Variants in COG8 observed in about 807,000 individuals in gnomAD.
The protein encoded by COG8 is conserved oligomeric Golgi complex subunit 8.
In COG8, 45 loss-of-function variants were observed where a neutral mutation model predicts 46.5. The observed-to-expected ratio is 0.97, with a 90% confidence interval of 0.76 to 1.24. COG8 has a LOEUF of 1.24. Ranked by LOEUF, COG8 falls within the 50% of genes most tolerant of loss-of-function variation. The pLI, the probability that COG8 is intolerant of heterozygous loss-of-function variation, is 0.00. For missense variants in COG8, 793 were observed against 820.8 expected (o/e 0.97, Z 0.41); for synonymous variants, 407 against 347.8 (o/e 1.17, Z -1.90).
Position 69,327,160 on chromosome 16 carries a change from CTTTTTTTTTTTTTT to C in COG8, c.*2032_*2045del, listed in dbSNP as rs1169149930. 2 of 91,588 alleles carry C rather than the reference CTTTTTTTTTTTTTT, an allele frequency of 2.2e-5. No homozygotes were observed. Among genetic ancestry groups the C allele is most frequent in the African/African-American group, 4.5e-5 (1 of 22,410 alleles). The allele number at this position is 91,588 out of a possible 1,614,324, so 5.7% of individuals were successfully genotyped here. Reference sequence around the variant, plus strand: ...TGCACCAGTATCTGGTTGGGATTCCCTTTTTTTTTTTTTTTTTTTTTTTTTGAGACAGAGCCTTG... The same window carrying C: ...TGCACCAGTATCTGGTTGGGATTCCCTTTTTTTTTTTGAGACAGAGCCTTG... On this transcript the variant is annotated 3_prime_UTR_variant, in exon 6 of 6. Transcript: ENST00000306875.
Position 69,336,551 on chromosome 16 carries a change from T to A in COG8, c.539A>T (p.Tyr180Phe). The change falls in exon 2 of 6, where the codon TAC becomes TTC. Residue 180 changes from tyrosine (Y) to phenylalanine (F), a missense_variant. Tyr to Phe is a conservative substitution (Grantham distance 22). Coordinates refer to ENST00000306875, the MANE Select transcript of COG8 (RefSeq NM_032382.5). ...YYEEALELAA[Y>F]VRRLERKYSS... ...GTATTTCCTCTCCAGTCGGCGTACG[T>A]AGGCTGCAAGCTCCAGGGCCTCTTC... 6.2e-7 allele frequency: 1 copy of A among 1,614,170 alleles called. No individual in the cohort carries two copies.
At chr16:69,333,323 C>T (rs944595544) in intron 3 of COG8, among the ~76,000 whole-genome samples, 11 of 152,200 alleles carry the variant, frequency 7.2e-5, no homozygotes, top group East Asian at 5.8e-4. Flanking sequence ...TGCACCATCA[C>T]GTCTGGCTAA....
chr16:69,330,382 C>T, intron 5 of COG8: 2 of 1,479,438 alleles, frequency 1.4e-6, no homozygotes, highest in African/African-American at 1.5e-5. Flanking sequence ...CGTGCGAGAA[C>T]GGCGGTTCGG....
intron 5 of COG8, chr16:69,330,596 C>T (rs2011737058): frequency 1.4e-6 from 2 of 1,420,164 alleles, no homozygotes; most frequent in Non-Finnish European, 1.8e-6. Flanking sequence ...AGTGACCCGG[C>T]CCGCCCCTTC....
chr16:69,330,763 C>T (rs1432599714), intron 5 of COG8, 50 bp downstream of exon 5: 17 of 1,459,408 alleles, frequency 1.2e-5, no homozygotes, highest in Non-Finnish European at 1.4e-5. Flanking sequence ...CGCCCCGGAC[C>T]TTCCAGGGCG....
At chr16:69,329,546 A>T (rs1426788783) in intron 5 of COG8, among the ~76,000 whole-genome samples, 1 of 152,154 alleles carries the variant, frequency 6.6e-6, no homozygotes, top group Admixed American at 6.5e-5. Flanking sequence ...GACCATCTTG[A>T]ACCGACGGGC....
At position 69,328,897 on chromosome 16, in the gene COG8, C is replaced by G. The variant is rs1489693730; in HGVS notation, c.*309G>C. 1 of 1,259,754 alleles carries G rather than the reference C, an allele frequency of 7.9e-7. No homozygotes were observed. 78.0% of individuals were successfully genotyped at this position (1,259,754 alleles called of 1,614,324 possible). On this transcript the variant is annotated 3_prime_UTR_variant, in exon 6 of 6. Transcript: ENST00000306875. ...TCTTCCTCCAGCTCAGTCTGCCATG[C>G]CTTGGCAATCCAGTTTCCTGTCATA...
intron 1 of COG8, 145 bp downstream of exon 1, chr16:69,339,031 G>A (rs1374393169): frequency 4.6e-6 from 5 of 1,098,852 alleles, no homozygotes; most frequent in South Asian, 2.7e-5. Flanking sequence ...CTATCTCGAA[G>A]GCTGTTGTGA....
At position 69,334,781 on chromosome 16, in the gene COG8, C is replaced by T. The variant is rs756562702; in HGVS notation, c.1153G>A (p.Glu385Lys). Reference protein sequence around the residue: ...AISTFQKAIQETVEKFQEEMN... With the variant: ...AISTFQKAIQKTVEKFQEEMN... ...TCTTCCTGGAATTTCTCCACTGTTTCCTGAATTGCTTTCTGGAAAGTGCTG... is the reference window on the plus strand; with the variant it reads ...TCTTCCTGGAATTTCTCCACTGTTTTCTGAATTGCTTTCTGGAAAGTGCTG... Residue 385 changes from glutamate to lysine, a missense_variant, in exon 3 of 6, where the codon GAA becomes AAA. By Grantham distance (56) the Glu-to-Lys change is moderately conservative (BLOSUM62 1). Transcript: ENST00000306875. 1.2e-6 allele frequency: 2 copies of T among 1,614,156 alleles called. No homozygotes were observed. The highest frequency in any genetic ancestry group is 1.7e-6 in the Non-Finnish European group (2 of 1,180,044).
In COG8 at chr16:69,336,590, C is replaced by G; in HGVS notation, c.500G>C (p.Arg167Pro). The part of the protein sequence containing the change: ...EIPQLMDTCV[R>P]NSYYEEALEL... ...CAGGGCCTCTTCATAATAACTGTTC[C>G]GGACACAGGTGTCCATGAGCTGAGG... Residue 167 changes from arginine to proline, a missense_variant, in exon 2 of 6, where the codon CGG (arginine) becomes CCG (proline). Physicochemically the swap from Arg to Pro is moderately radical, Grantham distance 103 (BLOSUM62 -2). Transcript: ENST00000306875. 1 of 1,614,126 alleles carries G rather than the reference C, an allele frequency of 6.2e-7. No homozygotes were observed. The highest frequency in any genetic ancestry group is 8.5e-7 in the Non-Finnish European group (1 of 1,180,014).
Position 69,328,880 on chromosome 16 carries a change from C to T in COG8, c.*326G>A. On this transcript the variant is annotated 3_prime_UTR_variant, in exon 6 of 6. Coordinates refer to ENST00000306875, the MANE Select transcript of COG8 (RefSeq NM_032382.5). Reference sequence around the variant, plus strand: ...GGCAAACATTTCTGACATCTTCCTCCAGCTCAGTCTGCCATGCCTTGGCAA... The same window carrying T: ...GGCAAACATTTCTGACATCTTCCTCTAGCTCAGTCTGCCATGCCTTGGCAA... 2 of 1,083,714 alleles carry T rather than the reference C, an allele frequency of 1.8e-6. No individual in the cohort carries two copies. Among genetic ancestry groups the T allele is most frequent in the Non-Finnish European group, 2.6e-6 (2 of 766,326 alleles). The allele number at this position is 1,083,714 out of a possible 1,614,324, so 67.1% of individuals were successfully genotyped here. A position where few individuals can be genotyped will look rare whatever the true frequency, so the allele number is the denominator to read the frequency against.
Position 69,332,762 on chromosome 16 carries a change from G to C in COG8, c.1534C>G (p.Arg512Gly). Residue 512 changes from arginine (R) to glycine (G), a missense_variant, in exon 4 of 6, where the codon CGC (arginine) becomes GGC (glycine). Arg to Gly is a moderately radical substitution (Grantham distance 125, BLOSUM62 -2). Coordinates refer to ENST00000306875, the MANE Select transcript of COG8 (RefSeq NM_032382.5). ...GGTGGAAAAAGGACTTGGAGACAGC[G>C]ATTTAAATACGGAACAAGGTCTTCC... Reference protein sequence around the residue: ...FLEDLVPYLNRCLQVLFPPAQ... With the variant: ...FLEDLVPYLNGCLQVLFPPAQ... 1 of 1,614,176 alleles carries C rather than the reference G, an allele frequency of 6.2e-7. No homozygotes were observed. Among genetic ancestry groups the C allele is most frequent in the Non-Finnish European group, 8.5e-7 (1 of 1,179,998 alleles).
chr16:69,329,646 T>A (rs532674073), intron 5 of COG8, among the ~76,000 whole-genome samples: 73 of 152,334 alleles, frequency 4.8e-4, no homozygotes, highest in African/African-American at 1.7e-3. Flanking sequence ...CCTAGCCCCC[T>A]GGGCTGGGTC....
At chr16:69,330,630 G>C (rs1258787940) in intron 5 of COG8, 183 bp downstream of exon 5, 1 of 1,406,532 alleles carries the variant, frequency 7.1e-7, no homozygotes, top group African/African-American at 1.5e-5. Context: ...GGGCACGCCG[G>C]GAAGCGCCGT....
At position 69,328,561 on chromosome 16, in the gene COG8, T is replaced by C. The variant is rs1380009994; in HGVS notation, c.*645A>G. 1 of 177,404 alleles carries C rather than the reference T, an allele frequency of 5.6e-6. No individual in the cohort carries two copies. The highest frequency in any genetic ancestry group is 1.2e-5 in the Non-Finnish European group (1 of 84,916). The allele number at this position is 177,404 out of a possible 1,614,324, so 11.0% of individuals were successfully genotyped here. A position where few individuals can be genotyped will look rare whatever the true frequency, so the allele number is the denominator to read the frequency against. ...CAGGGACTATTCTCTTTCATTTCCA[T>C]AAGCAAACTGGCGTCTAAGGCCACA... On this transcript the variant is annotated 3_prime_UTR_variant, in exon 6 of 6. Coordinates refer to ENST00000306875, the MANE Select transcript of COG8 (RefSeq NM_032382.5).
At position 69,330,915 on chromosome 16, in the gene COG8, A is replaced by AGGCGTGGCTCCTC; in HGVS notation, c.1750_1762dup (p.Leu588ArgfsTer87). ...CGGGCAGGCTGGGCCCGCGGGCTCC[A>AGGCGTGGCTCCTC]GGCGTGGCTCCTCGGCGGGAGGCTC... On this transcript the variant is annotated frameshift_variant, in exon 5 of 6. Coordinates refer to ENST00000306875, the MANE Select transcript of COG8 (RefSeq NM_032382.5). LOFTEE classifies it high-confidence loss of function. 6.4e-7 allele frequency: 1 copy of AGGCGTGGCTCCTC among 1,556,834 alleles called. No individual in the cohort carries two copies. The highest frequency in any genetic ancestry group is 8.7e-7 in the Non-Finnish European group (1 of 1,150,358).
intron 3 of COG8, among the ~76,000 whole-genome samples, chr16:69,333,907 A>G (rs750320435): frequency 5.3e-5 from 8 of 152,248 alleles, no homozygotes; most frequent in Non-Finnish European, 1.0e-4. Flanking sequence ...AAAGTCCCTA[A>G]TCATCTGACT....
At chr16:69,336,783 C>A in intron 1 of COG8, 71 bp from the exon 2 acceptor site, 1 of 1,301,170 alleles carries the variant, frequency 7.7e-7, no homozygotes, top group Non-Finnish European at 1.1e-6. Flanking sequence ...TTACCAAGTA[C>A]CTGCTATGAA....
Position 69,328,375 on chromosome 16 carries a change from C to T in COG8, c.*831G>A, listed in dbSNP as rs1965668020. 1 of 152,412 alleles carries T rather than the reference C, an allele frequency of 6.6e-6. No homozygotes were observed. The highest frequency in any genetic ancestry group is 6.5e-5 in the Admixed American group (1 of 15,272). The allele number at this position is 152,412 out of a possible 1,614,324, so 9.4% of individuals were successfully genotyped here. ...ACAGGAAAGGGCTCAGTGCACTTCT[C>T]AATTGTCACCCCTGCCCCCAGCCCT... On this transcript the variant is annotated 3_prime_UTR_variant, in exon 6 of 6. Transcript: ENST00000306875.
Sources: gnomAD v4.1 joint callset for allele counts (sites outside exome capture counted in the v4.1 genomes callset) on GRCh38, gnomAD v4.1.1 for gene constraint, MANE v1.5 for transcripts, NCBI Gene and HGNC (gene_info 2026-07-23, HGNC 2026-07-21) for gene names.